Variants in SCD5 observed in about 807,000 individuals in gnomAD.
The protein encoded by SCD5 is acyl-CoA-desaturase 4.
A neutral mutation model predicts 30.4 loss-of-function variants in SCD5; 20 were observed. That is an observed-to-expected ratio of 0.66 (90% CI 0.46 to 0.96). The LOEUF (loss-of-function observed/expected upper bound fraction) is 0.96, where lower values mean the gene tolerates loss of function less well. Ranked by LOEUF, SCD5 falls within the 40% of genes least tolerant of loss-of-function variation. The probability of loss-of-function intolerance (pLI) is 0.00; values close to 1 mark genes in which losing one functional copy is unlikely to be tolerated. For missense variants in SCD5, 381 were observed against 443.3 expected, an observed-to-expected ratio of 0.86 and a Z score of 1.26; for synonymous variants, 173 against 176.4, an observed-to-expected ratio of 0.98 and a Z score of 0.16.
intron 1 of SCD5, among the ~76,000 whole-genome samples, chr4:82,765,336 T>C (rs1578059065): frequency 6.6e-6 from 1 of 152,218 alleles, no homozygotes; most frequent in Non-Finnish European, 1.5e-5. Flanking sequence ...GCTTGCATTG[T>C]TTCCAACAAG....
At chr4:82,721,866 T>C (rs1720376311) in intron 1 of SCD5, among the ~76,000 whole-genome samples, 2 of 152,212 alleles carry the variant, frequency 1.3e-5, no homozygotes, top group Non-Finnish European at 2.9e-5. Context: ...GGGAGAAGTA[T>C]CACCTCTTAA....
chr4:82,660,740 A>T (rs1727981639), intron 3 of SCD5: 1 of 1,484,060 alleles, frequency 6.7e-7, no homozygotes, highest in African/African-American at 1.4e-5. Context: ...TTGAATCAAT[A>T]AATAACCTAA....
chr4:82,746,673 T>C (rs1242289842), intron 1 of SCD5, among the ~76,000 whole-genome samples: 2 of 152,072 alleles, frequency 1.3e-5, no homozygotes, highest in South Asian at 4.1e-4. Flanking sequence ...ACCAAAAGTT[T>C]TGAAGACATT....
intron 3 of SCD5, among the ~76,000 whole-genome samples, chr4:82,657,146 G>A (rs980714737): frequency 3.3e-5 from 5 of 152,086 alleles, no homozygotes; most frequent in African/African-American, 1.2e-4. Flanking sequence ...CGTTGCTTTT[G>A]GTGTTTTAGT....
intron 1 of SCD5, among the ~76,000 whole-genome samples, chr4:82,751,781 TA>T (rs1721108129): frequency 6.6e-6 from 1 of 152,078 alleles, no homozygotes; most frequent in Non-Finnish European, 1.5e-5. Context: ...CACGCGCCAC[TA>T]CGCCAAGCTG....
chr4:82,696,443 G>C (rs1404241225), intron 2 of SCD5, among the ~76,000 whole-genome samples: 1 of 152,152 alleles, frequency 6.6e-6, no homozygotes, highest in Admixed American at 6.5e-5. Context: ...GTGGGGAAGA[G>C]GCCACTAACA....
chr4:82,739,329 A>T (rs1433325167), intron 1 of SCD5, among the ~76,000 whole-genome samples: 1 of 151,994 alleles, frequency 6.6e-6, no homozygotes, highest in Non-Finnish European at 1.5e-5. Flanking sequence ...CACAAACTCA[A>T]CTCTCGGGAT....
chr4:82,773,126 CT>C (rs1302038984), intron 1 of SCD5, among the ~76,000 whole-genome samples: 2 of 152,176 alleles, frequency 1.3e-5, no homozygotes, highest in African/African-American at 2.4e-5. Flanking sequence ...CCTATGCCAG[CT>C]TCGAGGGGTA....
intron 1 of SCD5, among the ~76,000 whole-genome samples, chr4:82,749,380 T>C (rs1578051297): frequency 6.6e-6 from 1 of 152,298 alleles, no homozygotes; most frequent in East Asian, 1.9e-4. Context: ...AAAGAATCTT[T>C]ATGGCTTGCT....
At chr4:82,782,946 G>C (rs1404399366) in intron 1 of SCD5, among the ~76,000 whole-genome samples, 1 of 152,182 alleles carries the variant, frequency 6.6e-6, no homozygotes, top group Non-Finnish European at 1.5e-5. Flanking sequence ...ATGTTCACCT[G>C]ATGGGGACAC....
intron 1 of SCD5, among the ~76,000 whole-genome samples, chr4:82,722,580 G>T (rs559176201): frequency 2.0e-5 from 3 of 151,918 alleles, no homozygotes; most frequent in African/African-American, 7.3e-5. Context: ...CCTGGCCAAC[G>T]TGGTGAAACA....
chr4:82,786,317 T>C (rs1199979636), intron 1 of SCD5, among the ~76,000 whole-genome samples: 1 of 152,158 alleles, frequency 6.6e-6, no homozygotes, highest in Non-Finnish European at 1.5e-5. Context: ...TAGGCTGCAT[T>C]TGTAAGCCAC....
intron 1 of SCD5, among the ~76,000 whole-genome samples, chr4:82,790,912 G>A (rs1298588337): frequency 2.0e-5 from 3 of 152,094 alleles, no homozygotes; most frequent in Non-Finnish European, 4.4e-5. Flanking sequence ...TGATTCTGAT[G>A]TGCCACCATT....
intron 4 of SCD5, 138 bp from the exon 5 acceptor site, chr4:82,631,655 G>T: frequency 1.3e-6 from 1 of 797,156 alleles, no homozygotes; most frequent in Non-Finnish European, 1.9e-6. Flanking sequence ...CTTGGTTACT[G>T]ACTCCAAAGG....
rs879494353 is a variant in SCD5, at chr4:82,701,507, TA to T, written c.363+3775del. 2.6e-3 allele frequency among the ~76,000 whole-genome samples: 365 copies of T among 142,696 alleles called. 1 individual carries two copies. The highest frequency in any genetic ancestry group is 3.6e-3 in the Middle Eastern group (1 of 278). The allele number at this position is 142,696 out of a possible 152,430, so 93.6% of individuals were successfully genotyped here. ...TAAAAGACAGACTGTCAGAGAGGAT[TA>T]AAAAAAAAAAAGACTAAACTCTATG... On this transcript the variant is annotated intron_variant, in intron 2 of 4. Transcript: ENST00000319540.
intron 1 of SCD5, among the ~76,000 whole-genome samples, chr4:82,780,315 G>A (rs1273608983): frequency 1.3e-5 from 2 of 152,080 alleles, no homozygotes; most frequent in Admixed American, 6.6e-5. Flanking sequence ...TGCACCCCAG[G>A]CCTACTTCTC....
At chr4:82,696,190 G>C (rs969718146) in intron 2 of SCD5, among the ~76,000 whole-genome samples, 2 of 152,190 alleles carry the variant, frequency 1.3e-5, no homozygotes, top group Non-Finnish European at 2.9e-5. Flanking sequence ...AGCAAAGCTA[G>C]AAATTTCCAT....
At chr4:82,645,184 A>C (rs1427168007) in intron 3 of SCD5, among the ~76,000 whole-genome samples, 1 of 152,080 alleles carries the variant, frequency 6.6e-6, no homozygotes, top group East Asian at 1.9e-4. Flanking sequence ...TGTGGAAGTG[A>C]ATACCTGTAG....
chr4:82,720,378 A>G (rs940097870), intron 1 of SCD5, among the ~76,000 whole-genome samples: 2 of 142,446 alleles, frequency 1.4e-5, no homozygotes, highest in Admixed American at 1.5e-4. Context: ...GGCTGCAGTG[A>G]GTTGTAATCA....
Sources: allele counts gnomAD v4.1 joint callset (sites outside exome capture counted in the v4.1 genomes callset), GRCh38; gene constraint gnomAD v4.1.1; transcripts MANE v1.5; gene names NCBI Gene and HGNC (gene_info 2026-07-23, HGNC 2026-07-21).